The following VAX2 variants were observed in gnomAD, a reference collection of about 807,000 sequenced individuals.
VAX2 encodes ventral anterior homeobox 2.
A neutral mutation model predicts 12.5 loss-of-function variants in VAX2; 8 were observed. The observed-to-expected ratio is 0.64, with a 90% confidence interval of 0.37 to 1.15. The LOEUF is 1.15. Ranked by LOEUF, VAX2 falls within the 50% of genes most tolerant of loss-of-function variation. The pLI, the probability that VAX2 is intolerant of heterozygous loss-of-function variation, is 0.01. For synonymous variants in VAX2, 183 were observed against 187.6 expected (o/e 0.98, Z 0.20); for missense variants, 476 against 412.9 (o/e 1.15, Z -1.32).
intron 1 of VAX2, among the ~76,000 whole-genome samples, chr2:70,919,359 T>TC (rs1553412486): frequency 6.6e-6 from 1 of 151,644 alleles, no homozygotes; most frequent in African/African-American, 2.4e-5. Context: ...ATGGGGATCA[T>TC]ATAGTTCCAA....
chr2:70,902,292 G>A (rs1422188479), intron 1 of VAX2, among the ~76,000 whole-genome samples: 14 of 152,224 alleles, frequency 9.2e-5, no homozygotes, highest in African/African-American at 3.4e-4. Flanking sequence ...GGTGCCAGAT[G>A]TCACTGGGAC....
chr2:70,900,805 G>C lies in VAX2; in HGVS notation c.184G>C (p.Ala62Pro), dbSNP rs970526624. 6.7e-7 allele frequency: 1 copy of C among 1,492,914 alleles called. No homozygotes were observed. Among genetic ancestry groups the C allele is most frequent in the African/African-American group, 1.4e-5 (1 of 69,616 alleles). 92.5% of individuals were successfully genotyped at this position (1,492,914 alleles called of 1,614,324 possible). A position where few individuals can be genotyped will look rare whatever the true frequency, so the allele number is the denominator to read the frequency against. ...TCCCGCAGGCTCCAGGGAGAGTGGA[G>C]CCGACAGCGACGGGCAGCCCGGGCC... ...SSPAGSRESG[A>P]DSDGQPGPGE... is the part of the protein sequence containing the mutation. The change falls in exon 1 of 3, where the codon GCC becomes CCC. Residue 62 changes from alanine (A) to proline (P), a missense_variant. Coordinates refer to ENST00000234392, the MANE Select transcript of VAX2 (RefSeq NM_012476.3).
chr2:70,917,322 C>CAGAT (rs1553412146), intron 1 of VAX2, among the ~76,000 whole-genome samples: 5 of 147,282 alleles, frequency 3.4e-5, no homozygotes, highest in African/African-American at 1.3e-4. Context: ...ACTCTATCTC[C>CAGAT]AAATAAATAA....
At chr2:70,920,008 G>GC (rs1292934693) in intron 1 of VAX2, among the ~76,000 whole-genome samples, 2 of 152,162 alleles carry the variant, frequency 1.3e-5, no homozygotes, top group African/African-American at 2.4e-5. Flanking sequence ...GACTGCGTGC[G>GC]CCCCCTGGAG....
At chr2:70,915,236 TTTTTTTGCTGTTTG>T (rs1468888617) in intron 1 of VAX2, among the ~76,000 whole-genome samples, 9 of 145,812 alleles carry the variant, frequency 6.2e-5, no homozygotes, top group Non-Finnish European at 8.9e-5. Context: ...CAGCCTCCAG[TTTTTTTGCTGTTTG>T]TTTTTTGTTT....
At chr2:70,908,578 T>A (rs1389589466) in intron 1 of VAX2, among the ~76,000 whole-genome samples, 1 of 152,238 alleles carries the variant, frequency 6.6e-6, no homozygotes, top group African/African-American at 2.4e-5. Context: ...GGACATTTGG[T>A]TATTTTCTTA....
At position 70,904,165 on chromosome 2, in the gene VAX2, C is replaced by A. The variant is rs746888101; in HGVS notation, c.247+3297C>A. 6.6e-6 allele frequency among the ~76,000 whole-genome samples: 1 copy of A among 152,246 alleles called. No individual in the cohort carries two copies. The highest frequency in any genetic ancestry group is 1.5e-5 in the Non-Finnish European group (1 of 68,044). On this transcript the variant is annotated intron_variant, in intron 1 of 2. Coordinates refer to ENST00000234392, the MANE Select transcript of VAX2 (RefSeq NM_012476.3). This position sits in a 1 kb window ranked among gnomAD's most constrained non-coding sequence, Gnocchi z 4.2. ...CTGAGAAGGCCGCTCCACACCTCCG[C>A]GTGCACAGTCCCTAGACCAGTGAGG...
intron 2 of VAX2, among the ~76,000 whole-genome samples, chr2:70,926,614 G>C (rs1375183870): frequency 1.3e-5 from 2 of 152,108 alleles, no homozygotes; most frequent in African/African-American, 4.8e-5. Context: ...GCCACCCTCA[G>C]CCCAGAGGTT....
At chr2:70,912,881 C>A (rs1341733668) in intron 1 of VAX2, among the ~76,000 whole-genome samples, 1 of 146,062 alleles carries the variant, frequency 6.8e-6, no homozygotes, top group Non-Finnish European at 1.5e-5. Context: ...CTCCCACATA[C>A]CCTCAGAGCT....
At chr2:70,903,835 G>T (rs1321896981) in intron 1 of VAX2, among the ~76,000 whole-genome samples, 1 of 152,148 alleles carries the variant, frequency 6.6e-6, no homozygotes, top group East Asian at 1.9e-4. Flanking sequence ...CTGGAGGTGA[G>T]CACCTAGGGG....
intron 1 of VAX2, among the ~76,000 whole-genome samples, chr2:70,918,721 C>T (rs1222991160): frequency 6.6e-6 from 1 of 151,346 alleles, no homozygotes; most frequent in Non-Finnish European, 1.5e-5. Context: ...ATGGTGAAAC[C>T]CCGTCTTTAC....
chr2:70,907,658 C>T (rs2078387397), intron 1 of VAX2, among the ~76,000 whole-genome samples: 1 of 152,262 alleles, frequency 6.6e-6, no homozygotes, highest in African/African-American at 2.4e-5. Context: ...GAGGCACAGC[C>T]TCCGGCAGGG....
Position 70,921,234 on chromosome 2 carries a change from G to A in VAX2, c.384G>A (p.Val128=), listed in dbSNP as rs782029367. The change falls in exon 2 of 3, where the codon GTG becomes GTA. Residue 128 remains valine (V), a synonymous_variant. Transcript: ENST00000234392. ...AGTTCCAGCGCTGCCAGTATGTGGT[G>A]GGCCGCGAGCGCACTGAGCTGGCCC... ...EMEFQRCQYV[V]GRERTELARQ... is the part of the protein sequence containing the mutation. 1.5e-5 allele frequency: 24 copies of A among 1,613,302 alleles called. No homozygotes were observed. In the African/African-American group the frequency reaches 2.9e-4, roughly 20 times the overall value.
intron 2 of VAX2, among the ~76,000 whole-genome samples, chr2:70,922,787 C>T (rs2104778713): frequency 6.6e-6 from 1 of 152,292 alleles, no homozygotes; most frequent in South Asian, 2.1e-4. Context: ...GCGGGGCCTC[C>T]CTCCAGCTGG....
chr2:70,931,886 G>T (rs912642023), intron 2 of VAX2, among the ~76,000 whole-genome samples: 10 of 152,206 alleles, frequency 6.6e-5, no homozygotes, highest in Non-Finnish European at 1.3e-4. Context: ...TTTTTCTCTT[G>T]CCCCAGCCCT....
chr2:70,921,631 G>A (rs1236589152), intron 2 of VAX2, among the ~76,000 whole-genome samples: 1 of 152,094 alleles, frequency 6.6e-6, no homozygotes, highest in Non-Finnish European at 1.5e-5. Flanking sequence ...AAGGGATGGT[G>A]AGGGCTTGGC....
intron 2 of VAX2, among the ~76,000 whole-genome samples, chr2:70,931,876 T>G (rs1553414368): frequency 6.6e-6 from 1 of 152,280 alleles, no homozygotes; most frequent in African/African-American, 2.4e-5. Context: ...AGGCTTCCAT[T>G]TTTTCTCTTG....
chr2:70,921,343 G>A (rs945675703), intron 2 of VAX2, 58 bp downstream of exon 2: 3 of 1,491,944 alleles, frequency 2.0e-6, no homozygotes, highest in Non-Finnish European at 2.7e-6. Flanking sequence ...GAACTCCTGG[G>A]GATATGAGGC....
chr2:70,930,978 G>A (rs1553414233), intron 2 of VAX2, among the ~76,000 whole-genome samples: 1 of 152,184 alleles, frequency 6.6e-6, no homozygotes, highest in African/African-American at 2.4e-5. Context: ...TCCATGACAT[G>A]GGCCTGTAGA....
Sources: gnomAD v4.1 joint callset for allele counts (sites outside exome capture counted in the v4.1 genomes callset) on GRCh38, gnomAD v4.1.1 for gene constraint, Gnocchi (gnomAD v3.1) non-coding constraint, MANE v1.5 for transcripts, NCBI Gene and HGNC (gene_info 2026-07-23, HGNC 2026-07-21) for gene names.